Variants in KCNC2 observed in about 807,000 individuals in gnomAD.
The protein encoded by KCNC2 is potassium voltage-gated channel subfamily C member 2, also known as voltage-gated potassium channel KCNC2.
KCNC2 carries 21 observed loss-of-function variants against 44.5 expected under a neutral mutation model. The observed-to-expected ratio is 0.47, with a 90% CI of 0.33 to 0.68. KCNC2 has a LOEUF of 0.68. KCNC2 is among the 30% of genes least tolerant of loss of function. KCNC2 has a pLI of 0.01. For missense variants in KCNC2, 589 were observed against 826.2 expected (o/e 0.71, Z 3.52); for synonymous variants, 391 against 339.1 (o/e 1.15, Z -1.68).
chr12:75,061,197 A>C (rs1199834556), intron 2 of KCNC2, among the ~76,000 whole-genome samples: 1 of 152,226 alleles, frequency 6.6e-6, no homozygotes, highest in Non-Finnish European at 1.5e-5. Context: ...GCCATACCAA[A>C]CATAAAGTTT....
At chr12:75,171,873 T>C (rs956192930) in intron 2 of KCNC2, among the ~76,000 whole-genome samples, 4 of 151,826 alleles carry the variant, frequency 2.6e-5, no homozygotes, top group Non-Finnish European at 5.9e-5. Context: ...CCATAAATGG[T>C]CACAGCTGCT....
intron 2 of KCNC2, among the ~76,000 whole-genome samples, chr12:75,169,922 C>T (rs1050693998): frequency 6.6e-6 from 1 of 151,542 alleles, no homozygotes; most frequent in African/African-American, 2.4e-5. Context: ...GACCTGATTG[C>T]TTGTGATTAC....
intron 2 of KCNC2, among the ~76,000 whole-genome samples, chr12:75,061,337 G>A (rs1882300743): frequency 6.6e-6 from 1 of 152,046 alleles, no homozygotes; most frequent in Non-Finnish European, 1.5e-5. Context: ...TTGTCATCTT[G>A]TGTGACAAGA....
Position 75,050,725 on chromosome 12 carries a change from C to A in KCNC2, c.1280G>T (p.Gly427Val). Residue 427 changes from glycine to valine, a missense_variant, in exon 3 of 5, where the codon GGG becomes GTG. Gly to Val is a moderately radical substitution (Grantham distance 109). This residue lies in a region of KCNC2 where 67 missense variants were observed against 237.4 expected (regional missense o/e 0.28). Transcript: ENST00000549446. Reference sequence around the variant, plus strand: ...CATGGTCACTACAGCCCACCAGAACCCAATGGGAATGTTTTTGAACTGTGT... The same window carrying A: ...CATGGTCACTACAGCCCACCAGAACACAATGGGAATGTTTTTGAACTGTGT... ...EHTQFKNIPIGFWWAVVTMTT... is the reference protein window; with the variant it reads ...EHTQFKNIPIVFWWAVVTMTT... The A allele has an allele frequency of 6.2e-7, 1 of 1,613,560 alleles. No individual in the cohort carries two copies. Among genetic ancestry groups the A allele is most frequent in the Non-Finnish European group, 8.5e-7 (1 of 1,179,862 alleles).
chr12:75,062,723 T>A (rs1882465237), intron 2 of KCNC2, among the ~76,000 whole-genome samples: 1 of 152,006 alleles, frequency 6.6e-6, no homozygotes, highest in Non-Finnish European at 1.5e-5. Context: ...GGCTTTCAGG[T>A]CAAGGTTTAC....
At chr12:75,193,501 C>T (rs558961829) in intron 2 of KCNC2, among the ~76,000 whole-genome samples, 38 of 152,102 alleles carry the variant, frequency 2.5e-4, no homozygotes, top group African/African-American at 9.2e-4. Context: ...ATAGAATTTG[C>T]CCTTAGAATA....
At position 75,193,094 on chromosome 12, in the gene KCNC2, A is replaced by G. The variant is rs576983523; in HGVS notation, c.687+14203T>C. Among the ~76,000 whole-genome samples, 38 of 152,278 alleles carry G rather than the reference A, an allele frequency of 2.5e-4. 1 individual carries two copies. The highest frequency in any genetic ancestry group is 1.2e-3 in the East Asian group (6 of 5,180). The stretch of plus-strand genomic sequence containing the variant: ...CATAACTCTGGGTAAAAACAACAAC[A>G]ACGACAACAAAATAGTGTTCCTATA... On this transcript the variant is annotated intron_variant, in intron 2 of 4. Coordinates refer to ENST00000549446, the MANE Select transcript of KCNC2 (RefSeq NM_139137.4).
At position 75,166,386 on chromosome 12, in the gene KCNC2, A is replaced by C. The variant is rs1311958790; in HGVS notation, c.687+40911T>G. 4.0e-5 allele frequency among the ~76,000 whole-genome samples: 6 copies of C among 151,084 alleles called. No individual in the cohort carries two copies. The South Asian group carries it at 1.2e-3, about 31-fold the overall frequency. Reference sequence around the variant, plus strand: ...TTAGTGACTTCAATATCATACTTAAATGATGGATGGAACATCTAGGCAGAA... The same window carrying C: ...TTAGTGACTTCAATATCATACTTAACTGATGGATGGAACATCTAGGCAGAA... On this transcript the variant is annotated intron_variant, in intron 2 of 4. Coordinates refer to ENST00000549446, the MANE Select transcript of KCNC2 (RefSeq NM_139137.4).
intron 2 of KCNC2, among the ~76,000 whole-genome samples, chr12:75,123,097 A>T (rs1197581794): frequency 6.6e-6 from 1 of 152,154 alleles, no homozygotes; most frequent in East Asian, 1.9e-4. Context: ...TGAAATAAAG[A>T]TTGGAATATA....
At chr12:75,052,347 C>T (rs2136950420) in intron 2 of KCNC2, among the ~76,000 whole-genome samples, 1 of 152,198 alleles carries the variant, frequency 6.6e-6, no homozygotes, top group Non-Finnish European at 1.5e-5. Context: ...ACTTACCAAA[C>T]TCTCAAATGC....
intron 2 of KCNC2, among the ~76,000 whole-genome samples, chr12:75,175,960 A>G (rs1203361225): frequency 6.6e-6 from 1 of 152,116 alleles, no homozygotes; most frequent in Non-Finnish European, 1.5e-5. Context: ...AAAATGATTT[A>G]TTATTTATCT....
chr12:75,204,669 G>T (rs151307103), intron 2 of KCNC2, among the ~76,000 whole-genome samples: 2 of 152,090 alleles, frequency 1.3e-5, no homozygotes, highest in African/African-American at 2.4e-5. Context: ...GAATTGTGTC[G>T]ATGCAAAATA....
At chr12:75,178,798 G>A (rs1386251549) in intron 2 of KCNC2, among the ~76,000 whole-genome samples, 1 of 152,052 alleles carries the variant, frequency 6.6e-6, no homozygotes, top group Middle Eastern at 3.2e-3. Flanking sequence ...GCTTGCCAGC[G>A]TGGAGCAAGT....
At chr12:75,075,482 T>TATATATATATATATATAC (rs1285443264) in intron 2 of KCNC2, among the ~76,000 whole-genome samples, 7 of 127,254 alleles carry the variant, frequency 5.5e-5, no homozygotes, top group Admixed American at 2.3e-4. Context: ...TATATATATA[T>TATATATATATATATATAC]ACACATATAT....
At chr12:75,064,760 A>T (rs976280082) in intron 2 of KCNC2, among the ~76,000 whole-genome samples, 4 of 152,074 alleles carry the variant, frequency 2.6e-5, no homozygotes, top group Non-Finnish European at 5.9e-5. Flanking sequence ...ATTTCTTATG[A>T]GAGAGTATGT....
rs2031959487 is a variant in KCNC2, at chr12:75,209,289, GC to G, written c.-103del. 6.6e-6 allele frequency: 1 copy of G among 152,196 alleles called. No homozygotes were observed. The highest frequency in any genetic ancestry group is 1.5e-5 in the Non-Finnish European group (1 of 68,090). 9.4% of individuals were successfully genotyped at this position (152,196 alleles called of 1,614,324 possible). ...CTGGGCAGCGGGACTGAGTCTTGGC[GC>G]CCAGGTGAGCCGCCCTTCTCCGACG... On this transcript the variant is annotated 5_prime_UTR_variant, in exon 1 of 5. The change abolishes the stop of an existing upstream ORF in the 5' untranslated region. Coordinates refer to ENST00000549446, the MANE Select transcript of KCNC2 (RefSeq NM_139137.4).
chr12:75,118,849 A>G (rs1017029168), intron 2 of KCNC2, among the ~76,000 whole-genome samples: 2 of 152,218 alleles, frequency 1.3e-5, no homozygotes, highest in African/African-American at 4.8e-5. Flanking sequence ...AAGAGACAGA[A>G]CATCTAACCG....
chr12:75,107,416 A>G (rs533221955), intron 2 of KCNC2, among the ~76,000 whole-genome samples: 171 of 147,254 alleles, frequency 1.2e-3, no homozygotes, highest in African/African-American at 4.1e-3. Context: ...TTATTATAAC[A>G]TTAAAAACAA....
At chr12:75,098,981 C>T (rs1439336058) in intron 2 of KCNC2, among the ~76,000 whole-genome samples, 1 of 152,058 alleles carries the variant, frequency 6.6e-6, no homozygotes, top group Non-Finnish European at 1.5e-5. Context: ...ATTGTTTGAC[C>T]TTGCCCAAGG....
Sources: gnomAD v4.1 joint callset for allele counts (sites outside exome capture counted in the v4.1 genomes callset) on GRCh38, gnomAD v4.1.1 for gene constraint, gnomAD v4.1.1 regional missense constraint, MANE v1.5 for transcripts, NCBI Gene and HGNC (gene_info 2026-07-23, HGNC 2026-07-21) for gene names.